The following ITPK1 variants were observed in gnomAD, a reference collection of about 807,000 sequenced individuals.
ITPK1 encodes inositol-tetrakisphosphate 1-kinase, also known as inositol 1,3,4-trisphosphate 5/6-kinase.
A neutral mutation model predicts 45.3 loss-of-function variants in ITPK1; 21 were observed. The ratio of observed to expected loss-of-function variants is 0.46; its 90% CI spans 0.33 to 0.67. The LOEUF (loss-of-function observed/expected upper bound fraction) is 0.67. ITPK1 is among the 30% of genes least tolerant of loss of function. The pLI is 0.02. For synonymous variants in ITPK1, 258 were observed against 253.6 expected (o/e 1.02, Z -0.16); for missense variants, 474 against 573.5 (o/e 0.83, Z 1.77).
At chr14:93,011,370 T>G (rs1261476454) in intron 4 of ITPK1, among the ~76,000 whole-genome samples, 1 of 152,088 alleles carries the variant, frequency 6.6e-6, no homozygotes, top group African/African-American at 2.4e-5. Flanking sequence ...CATCACCCCC[T>G]CCCACCAGCT....
intron 7 of ITPK1, among the ~76,000 whole-genome samples, chr14:92,961,298 G>A (rs115112327): frequency 0.022 from 3,326 of 152,314 alleles, 116 homozygotes; most frequent in African/African-American, 0.075. Context: ...TGGCCCCAGC[G>A]AAGCCCCTGC....
chr14:93,059,861 G>GGTGCAA (rs200044849), intron 3 of ITPK1, among the ~76,000 whole-genome samples: 2 of 140,478 alleles, frequency 1.4e-5, no homozygotes. Flanking sequence ...GAGTGGAGGG[G>GGTGCAA]GTGCAAGTCA....
intron 2 of ITPK1, among the ~76,000 whole-genome samples, chr14:93,106,764 C>T (rs1188261674): frequency 2.0e-5 from 3 of 152,164 alleles, no homozygotes; most frequent in Non-Finnish European, 2.9e-5. Context: ...ACAGGCCTGG[C>T]CAGGGCAGAT....
intron 4 of ITPK1, among the ~76,000 whole-genome samples, chr14:93,007,446 C>G (rs953611416): frequency 1.3e-5 from 2 of 151,794 alleles, no homozygotes; most frequent in Non-Finnish European, 2.9e-5. Context: ...CTGCCTTGTC[C>G]GTGTGATGCA....
intron 3 of ITPK1, among the ~76,000 whole-genome samples, chr14:93,062,107 C>A (rs997024781): frequency 6.6e-6 from 1 of 152,132 alleles, no homozygotes; most frequent in African/African-American, 2.4e-5. Flanking sequence ...CCCATCACTA[C>A]TAAAAATACA....
intron 5 of ITPK1, among the ~76,000 whole-genome samples, chr14:92,975,726 C>A (rs1885906950): frequency 6.6e-6 from 1 of 152,338 alleles, no homozygotes; most frequent in Middle Eastern, 3.4e-3. Context: ...CCTGTTCAAG[C>A]TGGGACATCA....
intron 2 of ITPK1, among the ~76,000 whole-genome samples, chr14:93,094,227 G>C (rs1416014665): frequency 1.3e-5 from 2 of 152,234 alleles, no homozygotes; most frequent in Non-Finnish European, 2.9e-5. Context: ...CAGGGGATTG[G>C]AGGACAGACA....
intron 4 of ITPK1, among the ~76,000 whole-genome samples, chr14:93,015,050 G>T (rs376963237): frequency 1.3e-5 from 2 of 152,228 alleles, no homozygotes; most frequent in Admixed American, 6.5e-5. Flanking sequence ...CGAAGGAGAC[G>T]GGGGTGAGGC....
At position 93,110,182 on chromosome 14, in the gene ITPK1, C is replaced by T. The variant is rs752995302; in HGVS notation, c.95+4887G>A. 6.6e-5 allele frequency among the ~76,000 whole-genome samples: 10 copies of T among 152,196 alleles called. No homozygotes were observed. The East Asian group carries it at 7.7e-4, about 12-fold the overall frequency. On this transcript the variant is annotated intron_variant, in intron 2 of 10. Coordinates refer to ENST00000267615, the MANE Select transcript of ITPK1 (RefSeq NM_014216.6). ...TCCCTTCAATAGATCCATGTGCACA[C>T]GGACGCTTCCTCCTATGTGAAGTTC...
At chr14:92,966,441 T>G (rs2139751521) in intron 5 of ITPK1, among the ~76,000 whole-genome samples, 1 of 152,280 alleles carries the variant, frequency 6.6e-6, no homozygotes, top group East Asian at 1.9e-4. Context: ...TGAAAGAAAT[T>G]AAAGAAGACT....
chr14:93,048,425 G>A (rs915738544), intron 3 of ITPK1, among the ~76,000 whole-genome samples: 5 of 152,200 alleles, frequency 3.3e-5, no homozygotes, highest in Non-Finnish European at 7.3e-5. Flanking sequence ...AGGACGGAAC[G>A]TTAGGAGGGA....
Position 92,940,345 on chromosome 14 carries a change from C to T in ITPK1, c.*1216G>A. Reference sequence around the variant, plus strand: ...AGGACTGCAGAGGCTTCTCCCCAACCCTTTTCTCTGCAGAGGGGGCTGCCT... The same window carrying T: ...AGGACTGCAGAGGCTTCTCCCCAACTCTTTTCTCTGCAGAGGGGGCTGCCT... On this transcript the variant is annotated 3_prime_UTR_variant, in exon 11 of 11. Transcript: ENST00000267615. 1.0e-6 allele frequency: 1 copy of T among 1,003,846 alleles called. No individual in the cohort carries two copies. The highest frequency in any genetic ancestry group is 1.2e-6 in the Non-Finnish European group (1 of 840,710). The allele number at this position is 1,003,846 out of a possible 1,614,324, so 62.2% of individuals were successfully genotyped here.
intron 10 of ITPK1, among the ~76,000 whole-genome samples, chr14:92,942,817 C>T (rs915608602): frequency 6.6e-6 from 1 of 152,232 alleles, no homozygotes; most frequent in Non-Finnish European, 1.5e-5. Context: ...CCAAAAGAGA[C>T]TCACACAGGG....
rs1401418832 is a variant in ITPK1 at position 92,941,260 on chromosome 14, C to T, written c.*301G>A. ...CACTGGCATGGCAGCCATACGCACA[C>T]CCCTCACCTCCCATCCAGACCTAGT... On this transcript the variant is annotated 3_prime_UTR_variant, in exon 11 of 11. Transcript: ENST00000267615. 6 of 1,367,604 alleles carry T rather than the reference C, an allele frequency of 4.4e-6. No homozygotes were observed. The highest frequency in any genetic ancestry group is 1.6e-5 in the South Asian group (1 of 61,754). The allele number at this position is 1,367,604 out of a possible 1,614,324, so 84.7% of individuals were successfully genotyped here.
At chr14:93,029,368 T>G (rs1200013407) in intron 3 of ITPK1, among the ~76,000 whole-genome samples, 1 of 152,040 alleles carries the variant, frequency 6.6e-6, no homozygotes, top group Non-Finnish European at 1.5e-5. Context: ...GAGGGTATGG[T>G]GGGAGAGGTG....
chr14:93,084,258 G>A (rs895948494), intron 2 of ITPK1, among the ~76,000 whole-genome samples: 1 of 152,240 alleles, frequency 6.6e-6, no homozygotes, highest in Non-Finnish European at 1.5e-5. Context: ...TGATGAAGAG[G>A]ACCTCCAGCT....
chr14:93,023,036 CTTGT>C (rs561633833), intron 3 of ITPK1, among the ~76,000 whole-genome samples: 9 of 151,742 alleles, frequency 5.9e-5, no homozygotes, highest in South Asian at 2.1e-4. Context: ...TCTGTTTTTG[CTTGT>C]TTGTTTGTTT....
chr14:93,061,268 G>A (rs1217816017), intron 3 of ITPK1, among the ~76,000 whole-genome samples: 1 of 152,216 alleles, frequency 6.6e-6, no homozygotes, highest in African/African-American at 2.4e-5. Context: ...AACCTTAGAG[G>A]TTGGTGTTAC....
chr14:92,955,598 C>A (rs1394133415), intron 8 of ITPK1, among the ~76,000 whole-genome samples: 1 of 152,196 alleles, frequency 6.6e-6, no homozygotes, highest in African/African-American at 2.4e-5. Context: ...CACAACCTGA[C>A]TTCAGCTCCA....
Sources: allele counts gnomAD v4.1 joint callset (sites outside exome capture counted in the v4.1 genomes callset), GRCh38; gene constraint gnomAD v4.1.1; transcripts MANE v1.5; gene names NCBI Gene and HGNC (gene_info 2026-07-23, HGNC 2026-07-21).